The following VPS13C variants were observed in gnomAD, a reference collection of about 807,000 sequenced individuals.
VPS13C encodes the protein intermembrane lipid transfer protein VPS13C.
VPS13C carries 358 observed loss-of-function variants against 456.8 expected under a neutral mutation model. The observed-to-expected ratio is 0.78, with a 90% CI of 0.72 to 0.86. The LOEUF is 0.86. Ranked by LOEUF, VPS13C falls within the 40% of genes least tolerant of loss-of-function variation. The probability of loss-of-function intolerance (pLI) is 0.00; values close to 1 mark genes in which losing one functional copy is unlikely to be tolerated. For synonymous variants in VPS13C, 1,578 were observed against 1,486.7 expected (o/e 1.06, Z -1.41); for missense variants, 4,818 against 4,385.4 (o/e 1.10, Z -2.79).
chr15:61,978,724 T>C lies in VPS13C; in HGVS notation c.2192A>G (p.Gln731Arg), dbSNP rs1271773178. Residue 731 changes from glutamine to arginine, a missense_variant, in exon 23 of 85, where the codon CAG becomes CGG. Around this residue, in one of 3 missense-constraint regions of VPS13C, gnomAD observed 4,552 missense variants for 4,130.6 expected, o/e 1.10. Transcript: ENST00000644861. ...TTCCAGAGATGAATTAGTAGTCTTCTGTAAACCTTGATCTTTACTGTTGAG... is the reference window on the plus strand; with the variant it reads ...TTCCAGAGATGAATTAGTAGTCTTCCGTAAACCTTGATCTTTACTGTTGAG... Reference protein sequence around the residue: ...FQLNSKDQGLQKTTNSSLEEI... With the variant: ...FQLNSKDQGLRKTTNSSLEEI... 1.2e-6 allele frequency: 2 copies of C among 1,607,886 alleles called. No homozygotes were observed. The highest frequency in any genetic ancestry group is 1.7e-6 in the Non-Finnish European group (2 of 1,177,964).
At chr15:61,879,556 G>C (rs1895704082) in intron 73 of VPS13C, 1 of 152,000 alleles carries the variant, frequency 6.6e-6, no homozygotes. Flanking sequence ...AATAATTGTT[G>C]TTCATAATCT....
rs1256042602 is a variant in VPS13C, at chr15:62,037,288, TTATATTATATAATATATATATAAA to T, written c.188-2260_188-2237del. Among the ~76,000 whole-genome samples the T allele has an allele frequency of 2.6e-4, 12 of 46,552 alleles. 2 individuals are homozygous for T. The highest frequency in any genetic ancestry group is 0.01 in the Middle Eastern group (1 of 96). The allele number at this position is 46,552 out of a possible 152,430, so 30.5% of individuals were successfully genotyped here. A position where few individuals can be genotyped will look rare whatever the true frequency, so the allele number is the denominator to read the frequency against. ...TATATTATATAATATATTATATATATTATATTATATAATATATATATAAATATATTATATATTATATACATTTAT... is the reference window on the plus strand; with the variant it reads ...TATATTATATAATATATTATATATATTATATTATATATTATATACATTTAT... On this transcript the variant is annotated intron_variant, in intron 3 of 84. Coordinates refer to ENST00000644861, the MANE Select transcript of VPS13C (RefSeq NM_020821.3).
chr15:61,957,070 G>T (rs1268561714), intron 37 of VPS13C, among the ~76,000 whole-genome samples: 1 of 151,692 alleles, frequency 6.6e-6, no homozygotes, highest in African/African-American at 2.4e-5. Flanking sequence ...ATCAAAGAAT[G>T]AATAAAATAA....
intron 53 of VPS13C, among the ~76,000 whole-genome samples, chr15:61,924,113 G>A (rs537335342): frequency 1.3e-5 from 2 of 151,684 alleles, no homozygotes; most frequent in Non-Finnish European, 2.9e-5. Flanking sequence ...TGATCCGCCC[G>A]CCTCGGCCTC....
At chr15:61,902,964 TA>T (rs888150790) in intron 66 of VPS13C, among the ~76,000 whole-genome samples, 2 of 148,042 alleles carry the variant, frequency 1.4e-5, no homozygotes, top group East Asian at 2.0e-4. Context: ...CCACACACAT[TA>T]AAAAAAAAGA....
At chr15:62,043,492 G>A (rs1208579846) in intron 2 of VPS13C, among the ~76,000 whole-genome samples, 1 of 152,180 alleles carries the variant, frequency 6.6e-6, no homozygotes, top group Non-Finnish European at 1.5e-5. Flanking sequence ...TGTAATCCCA[G>A]CTACTAGGGA....
In VPS13C at chr15:61,882,611, C is replaced by T; in HGVS notation, c.9609G>A (p.Arg3203=). ...QSSHQRSLRA[R]LYWLQVDNQL... is the part of the protein sequence containing the mutation. Reference sequence around the variant, plus strand: ...ACAATGTTACCTGAAGCCAGTACAACCTGGCCCTTAAACTTCTCTGGTGAG... The same window carrying T: ...ACAATGTTACCTGAAGCCAGTACAATCTGGCCCTTAAACTTCTCTGGTGAG... Residue 3203 remains arginine, a synonymous_variant, in exon 69 of 85, where the codon AGG becomes AGA. Transcript: ENST00000644861. 1.3e-6 allele frequency: 2 copies of T among 1,561,554 alleles called. No individual in the cohort carries two copies. The highest frequency in any genetic ancestry group is 1.7e-6 in the Non-Finnish European group (2 of 1,156,708).
At chr15:62,060,175 A>C in intron 1 of VPS13C, 100 bp downstream of exon 1, 1 of 562,150 alleles carries the variant, frequency 1.8e-6, no homozygotes, top group Non-Finnish European at 3.1e-6. Flanking sequence ...GGGGAGTCTC[A>C]GGCGGCGCAG....
At chr15:61,984,251 C>A (rs116199015) in intron 19 of VPS13C, among the ~76,000 whole-genome samples, 1 of 144,464 alleles carries the variant, frequency 6.9e-6, no homozygotes, top group African/African-American at 2.4e-5. Flanking sequence ...CTTCAACCAA[C>A]TTTAGAATAC....
At chr15:62,008,283 C>T (rs1368287118) in intron 14 of VPS13C, among the ~76,000 whole-genome samples, 1 of 151,788 alleles carries the variant, frequency 6.6e-6, no homozygotes, top group African/African-American at 2.4e-5. Flanking sequence ...CCCCGTACCC[C>T]CAGCTACTTG....
rs377755933 is a variant in VPS13C, at chr15:61,950,343, T to C, written c.4596+15A>G. ...CAACACAACCCAACCTTATAGCAAATTATAAAAGTTTTACCTTCAGTCTCT... is the reference window on the plus strand; with the variant it reads ...CAACACAACCCAACCTTATAGCAAACTATAAAAGTTTTACCTTCAGTCTCT... On this transcript the variant is annotated intron_variant, in intron 41 of 84. Transcript: ENST00000644861. 25 of 1,600,076 alleles carry C rather than the reference T, an allele frequency of 1.6e-5. No homozygotes were observed. In the African/African-American group the frequency reaches 2.1e-4, roughly 14 times the overall value.
chr15:61,869,111 T>C (rs970083995), intron 80 of VPS13C, among the ~76,000 whole-genome samples: 2 of 108,682 alleles, frequency 1.8e-5, no homozygotes, highest in South Asian at 3.0e-4. Context: ...TTTCTTTTCT[T>C]TTTTCTTTTT....
intron 1 of VPS13C, among the ~76,000 whole-genome samples, chr15:62,055,401 G>GT (rs1207555510): frequency 1.3e-4 from 17 of 135,360 alleles, no homozygotes; most frequent in African/African-American, 4.3e-4. Flanking sequence ...CTAATTTTTT[G>GT]TATTTTTTTT....
intron 65 of VPS13C, among the ~76,000 whole-genome samples, chr15:61,908,086 T>G (rs1371609072): frequency 6.6e-6 from 1 of 152,208 alleles, no homozygotes; most frequent in African/African-American, 2.4e-5. Context: ...CAAAACCTAC[T>G]GAGTCAAAAT....
Position 61,854,548 on chromosome 15 carries a change from T to C in VPS13C, c.11171A>G (p.Asn3724Ser), listed in dbSNP as rs1186784257. The part of the protein sequence containing the change: ...KDTATAERAC[N>S]AIEDAQSTRQ... ...CGTTGACTGTGCATCCTCAATGGCA[T>C]TACATGCTCTCTGTAAAGTAAAATA... The change falls in exon 85 of 85, where the codon AAT becomes AGT. Residue 3724 changes from asparagine (N) to serine (S), a missense_variant. Asn to Ser is a conservative substitution (Grantham distance 46). Transcript: ENST00000644861. 6.2e-6 allele frequency: 10 copies of C among 1,613,902 alleles called. No individual in the cohort carries two copies.
intron 6 of VPS13C, among the ~76,000 whole-genome samples, chr15:62,028,100 A>G (rs145877173): frequency 2.1e-3 from 314 of 152,220 alleles, no homozygotes; most frequent in African/African-American, 7.1e-3. Flanking sequence ...CTTCGTAAGA[A>G]CAGTGAATCA....
chr15:61,923,068 G>C (rs968963389), intron 53 of VPS13C, among the ~76,000 whole-genome samples: 1 of 151,976 alleles, frequency 6.6e-6, no homozygotes, highest in Non-Finnish European at 1.5e-5. Context: ...GATCAATTCA[G>C]AGCAAAACAG....
chr15:61,938,250 C>G (rs2044291984), intron 47 of VPS13C, among the ~76,000 whole-genome samples: 1 of 135,836 alleles, frequency 7.4e-6, no homozygotes, highest in Non-Finnish European at 1.6e-5. Flanking sequence ...AAGTTCACCC[C>G]TCTTTCACTT....
At chr15:61,937,672 C>A (rs2044273587) in intron 47 of VPS13C, among the ~76,000 whole-genome samples, 1 of 152,160 alleles carries the variant, frequency 6.6e-6, no homozygotes, top group Non-Finnish European at 1.5e-5. Flanking sequence ...GACGTGGTTT[C>A]ACCATGTTAG....
Sources: gnomAD v4.1 joint callset for allele counts (sites outside exome capture counted in the v4.1 genomes callset) on GRCh38, gnomAD v4.1.1 for gene constraint, gnomAD v4.1.1 regional missense constraint, MANE v1.5 for transcripts, NCBI Gene and HGNC (gene_info 2026-07-23, HGNC 2026-07-21) for gene names.